The following TSPAN13 variants were observed in gnomAD, a reference collection of about 807,000 sequenced individuals.
TSPAN13 encodes the protein tetraspanin-13.
TSPAN13 carries 18 observed loss-of-function variants against 26.9 expected under a neutral mutation model. The ratio of observed to expected loss-of-function variants is 0.67; its 90% CI spans 0.46 to 0.99. The LOEUF (loss-of-function observed/expected upper bound fraction) is 0.99. Among genes scored for constraint, TSPAN13 ranks in the 50% least tolerant of loss-of-function variants. The probability of loss-of-function intolerance (pLI) is 0.00; values close to 1 mark genes in which losing one functional copy is unlikely to be tolerated. For missense variants in TSPAN13, 201 were observed against 249.6 expected (o/e 0.81, Z 1.31); for synonymous variants, 116 against 98.4 (o/e 1.18, Z -1.06).
At chr7:16,773,746 G>A (rs945588152) in intron 1 of TSPAN13, among the ~76,000 whole-genome samples, 1 of 152,144 alleles carries the variant, frequency 6.6e-6, no homozygotes, top group African/African-American at 2.4e-5. Flanking sequence ...AGGATTTAAA[G>A]AATCTTTTAA....
At chr7:16,765,529 G>C (rs1420595068) in intron 1 of TSPAN13, among the ~76,000 whole-genome samples, 1 of 152,204 alleles carries the variant, frequency 6.6e-6, no homozygotes, top group Non-Finnish European at 1.5e-5. Flanking sequence ...ACTCGGGGGA[G>C]AAATGCCAGT....
intron 1 of TSPAN13, among the ~76,000 whole-genome samples, chr7:16,766,427 A>G (rs1198245328): frequency 1.3e-5 from 2 of 152,218 alleles, no homozygotes; most frequent in Non-Finnish European, 2.9e-5. Context: ...GCATATGTGC[A>G]TCTAGGAGTT....
At chr7:16,756,431 A>G (rs1026519070) in intron 1 of TSPAN13, among the ~76,000 whole-genome samples, 7 of 152,212 alleles carry the variant, frequency 4.6e-5, no homozygotes, top group African/African-American at 1.7e-4. Flanking sequence ...CTGAAACATC[A>G]TCATTGCTGT....
In TSPAN13 at chr7:16,777,292, C is replaced by T. The variant is rs116133736; in HGVS notation, c.312+170C>T. On this transcript the variant is annotated intron_variant, in intron 3 of 5. Coordinates refer to ENST00000262067, the MANE Select transcript of TSPAN13 (RefSeq NM_014399.4). ...TTGCATTAGTGCAGCAGGTTGGAGCCGGACACCATCAGGTGTTGCCATTTT... is the reference window on the plus strand; with the variant it reads ...TTGCATTAGTGCAGCAGGTTGGAGCTGGACACCATCAGGTGTTGCCATTTT... 2.7e-3 allele frequency among the ~76,000 whole-genome samples: 413 copies of T among 152,290 alleles called. 1 individual carries two copies. Among genetic ancestry groups the T allele is most frequent in the African/African-American group, 9.1e-3 (379 of 41,548 alleles).
chr7:16,778,385 T>C (rs1247969203), intron 4 of TSPAN13, among the ~76,000 whole-genome samples: 2 of 152,238 alleles, frequency 1.3e-5, no homozygotes, highest in South Asian at 2.1e-4. Context: ...GCTTTAAATA[T>C]CCATTTAGTG....
intron 1 of TSPAN13, among the ~76,000 whole-genome samples, chr7:16,771,512 G>A (rs1240732404): frequency 6.6e-6 from 1 of 152,220 alleles, no homozygotes; most frequent in Non-Finnish European, 1.5e-5. Flanking sequence ...GTCCTTGGAA[G>A]AGGGAGGAAA....
intron 1 of TSPAN13, among the ~76,000 whole-genome samples, chr7:16,772,058 T>A (rs955761820): frequency 6.6e-6 from 1 of 152,226 alleles, no homozygotes; most frequent in Non-Finnish European, 1.5e-5. Flanking sequence ...GTTGTAGAGA[T>A]CTTTTCTTTA....
Position 16,784,363 on chromosome 7 carries a change from T to C in TSPAN13, c.*872T>C, listed in dbSNP as rs1455991086. On this transcript the variant is annotated 3_prime_UTR_variant, in exon 6 of 6. Transcript: ENST00000262067. ...ACCGTTTTCATGAAATTTCTCAGTA[T>C]TGTAACAGCAACTTGTCAAACCTAA... 4.6e-5 allele frequency: 7 copies of C among 152,340 alleles called. No individual in the cohort carries two copies. The highest frequency in any genetic ancestry group is 1.7e-4 in the African/African-American group (7 of 41,588). The allele number at this position is 152,340 out of a possible 1,614,324, so 9.4% of individuals were successfully genotyped here. A position where few individuals can be genotyped will look rare whatever the true frequency, so the allele number is the denominator to read the frequency against.
At chr7:16,761,395 C>T (rs899087850) in intron 1 of TSPAN13, among the ~76,000 whole-genome samples, 3 of 152,204 alleles carry the variant, frequency 2.0e-5, no homozygotes, top group Admixed American at 2.0e-4. Context: ...GAAACATGTG[C>T]TTGATCTTTT....
At chr7:16,779,347 T>G (rs200216319) in intron 5 of TSPAN13, among the ~76,000 whole-genome samples, 1 of 152,200 alleles carries the variant, frequency 6.6e-6, no homozygotes, top group South Asian at 2.1e-4. Flanking sequence ...AATGAACTAA[T>G]GAGTGAGATT....
At chr7:16,755,737 T>C (rs1246033299) in intron 1 of TSPAN13, among the ~76,000 whole-genome samples, 1 of 152,108 alleles carries the variant, frequency 6.6e-6, no homozygotes, top group African/African-American at 2.4e-5. Flanking sequence ...TCTATATCAA[T>C]GTATAATCTT....
rs147069531 is a variant in TSPAN13 at position 16,755,885 on chromosome 7, A to G, written c.63+1855A>G. 2.8e-4 allele frequency among the ~76,000 whole-genome samples: 42 copies of G among 152,316 alleles called. No individual in the cohort carries two copies. In the East Asian group the frequency reaches 6.0e-3, roughly 22 times the overall value. On this transcript the variant is annotated intron_variant, in intron 1 of 5. Transcript: ENST00000262067. ...GACATATTAAGACTATTTAATATCT[A>G]TTCTAAATTATTGACCTTCAAAGTG...
chr7:16,768,578 A>AT (rs1188967777), intron 1 of TSPAN13, among the ~76,000 whole-genome samples: 2 of 152,230 alleles, frequency 1.3e-5, no homozygotes, highest in African/African-American at 2.4e-5. Flanking sequence ...TGTCAGTGTT[A>AT]TATGCGCATT....
intron 1 of TSPAN13, among the ~76,000 whole-genome samples, chr7:16,762,279 G>A (rs1347906168): frequency 2.0e-5 from 3 of 152,214 alleles, no homozygotes; most frequent in African/African-American, 4.8e-5. Context: ...GCAATATCAT[G>A]TGCTCTTTGA....
intron 1 of TSPAN13, 61 bp downstream of exon 1, chr7:16,754,091 T>C (rs1434584599): frequency 6.5e-7 from 1 of 1,527,032 alleles, no homozygotes; most frequent in Non-Finnish European, 9.0e-7. Context: ...GGGAGCTCTT[T>C]GGCTTCCCTG....
chr7:16,769,015 A>G (rs1880641), intron 1 of TSPAN13, among the ~76,000 whole-genome samples: 152,151 of 152,168 alleles, frequency 1, 76,067 homozygotes, highest in Middle Eastern at 1. Flanking sequence ...TAGTAGAGAC[A>G]GGGTTTCACT....
intron 1 of TSPAN13, among the ~76,000 whole-genome samples, chr7:16,757,743 T>G (rs1384135311): frequency 2.0e-5 from 3 of 152,208 alleles, no homozygotes; most frequent in African/African-American, 7.2e-5. Context: ...TTGAGAAAAA[T>G]TCTCATGCAG....
chr7:16,773,251 G>A (rs781697554), intron 1 of TSPAN13, among the ~76,000 whole-genome samples: 4 of 149,694 alleles, frequency 2.7e-5, no homozygotes, highest in Non-Finnish European at 5.9e-5. Context: ...GCAGGGGTCC[G>A]AAAACTACAG....
At chr7:16,754,087 T>C (rs1326638069) in intron 1 of TSPAN13, 57 bp downstream of exon 1, 22 of 1,548,552 alleles carry the variant, frequency 1.4e-5, no homozygotes, top group Non-Finnish European at 1.8e-5. Flanking sequence ...GCTTGGGAGC[T>C]CTTTGGCTTC....
Sources: gnomAD v4.1 joint callset for allele counts (sites outside exome capture counted in the v4.1 genomes callset) on GRCh38, gnomAD v4.1.1 for gene constraint, MANE v1.5 for transcripts, NCBI Gene and HGNC (gene_info 2026-07-23, HGNC 2026-07-21) for gene names.